The following LRRTM4 variants were observed in gnomAD, a reference collection of about 807,000 sequenced individuals.
LRRTM4 encodes leucine-rich repeat transmembrane neuronal protein 4.
LRRTM4 carries 25 observed loss-of-function variants against 47.6 expected under a neutral mutation model. The observed-to-expected ratio is 0.53, with a 90% CI of 0.38 to 0.73. The LOEUF (loss-of-function observed/expected upper bound fraction) is 0.73. Among genes scored for constraint, LRRTM4 ranks in the 30% least tolerant of loss-of-function variants. The pLI, the probability that LRRTM4 is intolerant of heterozygous loss-of-function variation, is 0.00. For synonymous variants in LRRTM4, 311 were observed against 269.5 expected, an observed-to-expected ratio of 1.15 and a Z score of -1.51; for missense variants, 638 against 713.4, an observed-to-expected ratio of 0.89 and a Z score of 1.20.
chr2:76,969,966 C>A (rs1676162442), intron 3 of LRRTM4, among the ~76,000 whole-genome samples: 1 of 151,954 alleles, frequency 6.6e-6, no homozygotes, highest in Non-Finnish European at 1.5e-5. Flanking sequence ...GGACTTCTGA[C>A]AACTTTCATG....
At chr2:77,072,929 A>G (rs540726569) in intron 3 of LRRTM4, among the ~76,000 whole-genome samples, 53 of 151,956 alleles carry the variant, frequency 3.5e-4, no homozygotes, top group African/African-American at 1.2e-3. Flanking sequence ...ATGGTTTGTT[A>G]AGACAGAAGA....
At chr2:76,749,848 G>A (rs1405585835) in intron 3 of LRRTM4, among the ~76,000 whole-genome samples, 1 of 152,146 alleles carries the variant, frequency 6.6e-6, no homozygotes, top group Non-Finnish European at 1.5e-5. Flanking sequence ...TCATACTTGC[G>A]AGTTACAATT....
chr2:76,979,553 G>A (rs891100858), intron 3 of LRRTM4, among the ~76,000 whole-genome samples: 51 of 88,288 alleles, frequency 5.8e-4, no homozygotes, highest in East Asian at 2.6e-3. Flanking sequence ...ATATATATAT[G>A]CTCTTCCTCT....
At chr2:77,373,886 A>G (rs1381616365) in intron 3 of LRRTM4, among the ~76,000 whole-genome samples, 1 of 151,738 alleles carries the variant, frequency 6.6e-6, no homozygotes, top group Non-Finnish European at 1.5e-5. Context: ...AAAAGCCTAT[A>G]TTTTTTTCTT....
At chr2:76,954,948 G>A (rs374200473) in intron 3 of LRRTM4, among the ~76,000 whole-genome samples, 133 of 151,616 alleles carry the variant, frequency 8.8e-4, no homozygotes, top group African/African-American at 2.6e-3. Flanking sequence ...CAAAAAAACC[G>A]CCAGCCATAA....
chr2:76,750,982 A>G (rs1277446708), intron 3 of LRRTM4, among the ~76,000 whole-genome samples: 1 of 151,370 alleles, frequency 6.6e-6, no homozygotes, highest in Non-Finnish European at 1.5e-5. Context: ...TAAATTAGCT[A>G]GAATAGAAAG....
At chr2:76,810,804 A>G (rs1024482020) in intron 3 of LRRTM4, among the ~76,000 whole-genome samples, 80 of 152,304 alleles carry the variant, frequency 5.3e-4, no homozygotes, top group African/African-American at 1.9e-3. Flanking sequence ...AAAAGCATGG[A>G]GATTACCTGT....
chr2:76,930,869 T>C (rs938647149), intron 3 of LRRTM4, among the ~76,000 whole-genome samples: 1 of 152,186 alleles, frequency 6.6e-6, no homozygotes, highest in Non-Finnish European at 1.5e-5. Flanking sequence ...TGAAGCACTG[T>C]TTACAAATAA....
At chr2:76,917,343 G>T (rs1674287404) in intron 3 of LRRTM4, among the ~76,000 whole-genome samples, 1 of 151,908 alleles carries the variant, frequency 6.6e-6, no homozygotes, top group South Asian at 2.1e-4. Context: ...TTAAATACTG[G>T]GTTTCCTAGC....
chr2:77,119,012 C>T lies in LRRTM4; in HGVS notation c.1552-370096G>A, dbSNP rs74370472. On this transcript the variant is annotated intron_variant, in intron 3 of 3. Coordinates refer to ENST00000409884, the MANE Select transcript of LRRTM4 (RefSeq NM_001134745.3). ...AACACACCTGGCATAGTACTCACAACCTAGAGAGTGTTAATGTAAGAAAAG... is the reference window on the plus strand; with the variant it reads ...AACACACCTGGCATAGTACTCACAATCTAGAGAGTGTTAATGTAAGAAAAG... Among the ~76,000 whole-genome samples, 1,413 of 151,868 alleles carry T rather than the reference C, an allele frequency of 9.3e-3. 26 individuals are homozygous for T. Among genetic ancestry groups the T allele is most frequent in the African/African-American group, 0.031 (1,287 of 41,498 alleles).
At chr2:77,478,615 C>A (rs573809602) in intron 3 of LRRTM4, among the ~76,000 whole-genome samples, 1 of 152,160 alleles carries the variant, frequency 6.6e-6, no homozygotes, top group South Asian at 2.1e-4. Context: ...TTCTTTTGTA[C>A]ACATGCACTG....
intron 3 of LRRTM4, among the ~76,000 whole-genome samples, chr2:77,032,201 T>G (rs1027696904): frequency 2.6e-5 from 4 of 152,098 alleles, no homozygotes; most frequent in Non-Finnish European, 5.9e-5. Context: ...CTGCAGGGCC[T>G]TCATATTTAC....
intron 3 of LRRTM4, among the ~76,000 whole-genome samples, chr2:77,085,760 C>G (rs908192943): frequency 1.3e-5 from 2 of 152,144 alleles, no homozygotes; most frequent in Admixed American, 6.5e-5. Context: ...TGTACATCAT[C>G]TAATGATTTT....
chr2:77,518,979 A>G lies in LRRTM4; in HGVS notation c.890T>C (p.Val297Ala), dbSNP rs1444836077. The change falls in exon 3 of 4, where the codon GTC (valine) becomes GCC (alanine). Residue 297 changes from valine to alanine, a missense_variant. Physicochemically the swap from Val to Ala is moderately conservative, Grantham distance 64. Coordinates refer to ENST00000409884, the MANE Select transcript of LRRTM4 (RefSeq NM_001134745.3). ...NKLTNISQET[V>A]NAWISLISIT... ...GGATATTAATGATATCCACGCATTG[A>G]CAGTTTCCTGTGAGATATTGGTGAG... The G allele has an allele frequency of 2.5e-6, 4 of 1,611,820 alleles. No homozygotes were observed. The highest frequency in any genetic ancestry group is 3.4e-6 in the Non-Finnish European group (4 of 1,178,960).
intron 3 of LRRTM4, chr2:77,516,857 TGTCTGAAAA>T: frequency 1.0e-6 from 1 of 985,012 alleles, no homozygotes; most frequent in Non-Finnish European, 1.2e-6. Context: ...TTCAGTGCTT[TGTCTGAAAA>T]CATTTTCATT....
At chr2:77,366,831 G>A (rs1184303187) in intron 3 of LRRTM4, among the ~76,000 whole-genome samples, 1 of 151,626 alleles carries the variant, frequency 6.6e-6, no homozygotes, top group African/African-American at 2.4e-5. Flanking sequence ...CAACATCCTG[G>A]GTCAAGTTAT....
chr2:76,969,105 G>C (rs1387950509), intron 3 of LRRTM4, among the ~76,000 whole-genome samples: 2 of 151,748 alleles, frequency 1.3e-5, no homozygotes, highest in Admixed American at 6.6e-5. Context: ...TTATAACTCA[G>C]AAACATGTTT....
intron 3 of LRRTM4, among the ~76,000 whole-genome samples, chr2:77,402,412 G>A (rs980303955): frequency 3.3e-5 from 5 of 151,906 alleles, no homozygotes; most frequent in African/African-American, 1.2e-4. Flanking sequence ...GCCTTCCAAA[G>A]AGCTAGGATT....
At position 77,144,272 on chromosome 2, in the gene LRRTM4, A is replaced by G. The variant is rs1369999682; in HGVS notation, c.1551+374046T>C. Among the ~76,000 whole-genome samples the G allele has an allele frequency of 2.0e-5, 3 of 152,068 alleles. No individual in the cohort carries two copies. The East Asian group carries it at 5.8e-4, about 29-fold the overall frequency. ...ACAGTCACTCTGTGTAATTAAGGCA[A>G]TTCCTGGAGGAACTAATACCTGAAA... On this transcript the variant is annotated intron_variant, in intron 3 of 3. Coordinates refer to ENST00000409884, the MANE Select transcript of LRRTM4 (RefSeq NM_001134745.3).
Sources: gnomAD v4.1 joint callset for allele counts (sites outside exome capture counted in the v4.1 genomes callset) on GRCh38, gnomAD v4.1.1 for gene constraint, MANE v1.5 for transcripts, NCBI Gene and HGNC (gene_info 2026-07-23, HGNC 2026-07-21) for gene names.